REPS1: variants seen among roughly 807,000 people sequenced by gnomAD.
REPS1 encodes the protein RALBP1 associated Eps domain containing 1, also known as ralBP1-associated Eps domain-containing protein 1.
A neutral mutation model predicts 100.9 loss-of-function variants in REPS1; 39 were observed. That is an observed-to-expected ratio of 0.39 (90% CI 0.30 to 0.50). The LOEUF is 0.50. Among genes scored for constraint, REPS1 ranks in the 20% least tolerant of loss-of-function variants. The pLI is 0.86. For missense variants in REPS1, 821 were observed against 968.5 expected, an observed-to-expected ratio of 0.85 and a Z score of 2.02; for synonymous variants, 324 against 340.3, an observed-to-expected ratio of 0.95 and a Z score of 0.53.
chr6:138,976,512 C>T (rs1164823592), intron 1 of REPS1, among the ~76,000 whole-genome samples: 2 of 152,180 alleles, frequency 1.3e-5, no homozygotes, highest in Non-Finnish European at 2.9e-5. Context: ...CAAAATAGTC[C>T]TGTAGACTGA....
chr6:138,916,607 G>C (rs550472402), intron 13 of REPS1, among the ~76,000 whole-genome samples: 6 of 152,084 alleles, frequency 3.9e-5, no homozygotes, highest in Non-Finnish European at 7.4e-5. Flanking sequence ...AGTAATAATA[G>C]TCTGAAAAAA....
At chr6:138,960,880 TTAAG>T (rs1258786330) in intron 1 of REPS1, among the ~76,000 whole-genome samples, 1 of 152,190 alleles carries the variant, frequency 6.6e-6, no homozygotes, top group Non-Finnish European at 1.5e-5. Flanking sequence ...AGAAAAGTCA[TTAAG>T]TATTGGGAAG....
chr6:138,908,751 ATCT>A lies in REPS1; in HGVS notation c.2130_2132del (p.Glu710del). 4.3e-6 allele frequency: 7 copies of A among 1,614,166 alleles called. No individual in the cohort carries two copies. Among genetic ancestry groups the A allele is most frequent in the Non-Finnish European group, 5.1e-6 (6 of 1,180,014 alleles). ...GTTCATCAACTTCTGGCCTTAATTC[ATCT>A]TCTGATTTTAATCTTCTTCGAACAG... is the stretch of plus-strand genomic sequence containing the variant. On this transcript the variant is annotated inframe_deletion, in exon 18 of 20. Coordinates refer to ENST00000450536, the MANE Select transcript of REPS1 (RefSeq NM_001286611.2).
rs775346947 is a variant in REPS1 at position 138,945,572 on chromosome 6, C to T, written c.403G>A (p.Gly135Ser). The T allele has an allele frequency of 1.2e-6, 2 of 1,613,484 alleles. No homozygotes were observed. Among genetic ancestry groups the T allele is most frequent in the South Asian group, 1.1e-5 (1 of 90,932 alleles). Residue 135 changes from glycine (G) to serine (S), a missense_variant, in exon 3 of 20, where the codon GGC becomes AGC. Physicochemically the swap from Gly to Ser is moderately conservative, Grantham distance 56. Coordinates refer to ENST00000450536, the MANE Select transcript of REPS1 (RefSeq NM_001286611.2). Reference protein sequence around the residue: ...SYSGVIPPPPGRGQVKKGSVS... With the variant: ...SYSGVIPPPPSRGQVKKGSVS... ...GATCCCTTTTTCACTTGCCCCCTGCCAGGTGGTGGGGGAATTACACCAGAA... is the reference window on the plus strand; with the variant it reads ...GATCCCTTTTTCACTTGCCCCCTGCTAGGTGGTGGGGGAATTACACCAGAA...
In REPS1 at chr6:138,969,269, A is replaced by ATTTTTTTTTTTTTTTTTTTTTTT. The variant is rs71013004; in HGVS notation, c.153+18238_153+18260dup. Among the ~76,000 whole-genome samples the ATTTTTTTTTTTTTTTTTTTTTTT allele has an allele frequency of 1.0e-3, 74 of 74,246 alleles. 13 individuals are homozygous for ATTTTTTTTTTTTTTTTTTTTTTT. Among genetic ancestry groups the ATTTTTTTTTTTTTTTTTTTTTTT allele is most frequent in the East Asian group, 1.0e-3 (2 of 1,944 alleles). The allele number at this position is 74,246 out of a possible 152,430, so 48.7% of individuals were successfully genotyped here. A position where few individuals can be genotyped will look rare whatever the true frequency, so the allele number is the denominator to read the frequency against. ...ACACAATCTATGATACAAAGCTGTA[A>ATTTTTTTTTTTTTTTTTTTTTTT]TTTTTTTTTTTTTTTTTTTTTTTTT... is the stretch of plus-strand genomic sequence containing the variant. On this transcript the variant is annotated intron_variant, in intron 1 of 19. Coordinates refer to ENST00000450536, the MANE Select transcript of REPS1 (RefSeq NM_001286611.2).
intron 10 of REPS1, among the ~76,000 whole-genome samples, chr6:138,924,640 T>C (rs1393046456): frequency 6.6e-6 from 1 of 152,226 alleles, no homozygotes; most frequent in East Asian, 1.9e-4. Context: ...ATACTTTCAT[T>C]AAGTACTTTC....
intron 1 of REPS1, among the ~76,000 whole-genome samples, chr6:138,974,489 C>T (rs1784495360): frequency 6.6e-6 from 1 of 152,122 alleles, no homozygotes; most frequent in South Asian, 2.1e-4. Context: ...GTTGTTTATA[C>T]AAATAGCTAA....
At chr6:138,961,872 A>G (rs2128492842) in intron 1 of REPS1, among the ~76,000 whole-genome samples, 1 of 152,310 alleles carries the variant, frequency 6.6e-6, no homozygotes, top group South Asian at 2.1e-4. Flanking sequence ...AATTAATATG[A>G]ATTAGCAAAA....
At chr6:138,954,440 GGAA>G (rs1053650288) in intron 1 of REPS1, among the ~76,000 whole-genome samples, 2 of 151,154 alleles carry the variant, frequency 1.3e-5, no homozygotes, top group Admixed American at 6.6e-5. Flanking sequence ...GGGCCACACT[GGAA>G]GAAGAACTGT....
At chr6:138,914,912 G>T (rs1490226725) in intron 14 of REPS1, 151 bp from the exon 15 acceptor site, 4 of 656,730 alleles carry the variant, frequency 6.1e-6, no homozygotes, top group Non-Finnish European at 1.0e-5. Context: ...TACATGGTCT[G>T]TATGTAACCT....
chr6:138,905,878 A>C (rs1025997630), intron 19 of REPS1, among the ~76,000 whole-genome samples: 15 of 152,188 alleles, frequency 9.9e-5, no homozygotes, highest in African/African-American at 3.6e-4. Context: ...TTTTTAATCA[A>C]TGTTGATTTT....
At position 138,954,163 on chromosome 6, in the gene REPS1, T is replaced by C. The variant is rs187337350; in HGVS notation, c.154-6250A>G. On this transcript the variant is annotated intron_variant, in intron 1 of 19. Coordinates refer to ENST00000450536, the MANE Select transcript of REPS1 (RefSeq NM_001286611.2). The stretch of plus-strand genomic sequence containing the variant: ...TAGAAGTAAAAAGGAGAACAGAGTA[T>C]ACCAAGGCTACGAAGGGTAGACAAA... Among the ~76,000 whole-genome samples the C allele has an allele frequency of 1.4e-3, 206 of 151,208 alleles. 2 individuals carry two copies. Among genetic ancestry groups the C allele is most frequent in the African/African-American group, 4.6e-3 (190 of 41,262 alleles).
At chr6:138,912,717 T>A (rs1388940486) in intron 16 of REPS1, 48 bp downstream of exon 16, 2 of 1,551,552 alleles carry the variant, frequency 1.3e-6, no homozygotes, top group Non-Finnish European at 1.8e-6. Context: ...CAACATGGTA[T>A]GGGAAGTGAC....
intron 5 of REPS1, 105 bp from the exon 6 acceptor site, chr6:138,944,120 A>G (rs902067307): frequency 1.5e-5 from 16 of 1,044,462 alleles, no homozygotes; most frequent in Non-Finnish European, 1.6e-5. Flanking sequence ...CTTTTTGTGT[A>G]TATTTAAAAT....
At chr6:138,962,693 A>C (rs950105174) in intron 1 of REPS1, among the ~76,000 whole-genome samples, 5 of 152,090 alleles carry the variant, frequency 3.3e-5, no homozygotes, top group African/African-American at 1.2e-4. Context: ...CCTGTCATTC[A>C]GGTTTCACCT....
Position 138,943,921 on chromosome 6 carries a change from T to A in REPS1, c.848A>T (p.Asp283Val). The change falls in exon 6 of 20, where the codon GAT (aspartate) becomes GTT (valine). Residue 283 changes from aspartate to valine, a missense_variant. Physicochemically the swap from Asp to Val is radical, Grantham distance 152. Around this residue, in one of 3 missense-constraint regions of REPS1, gnomAD observed 757 missense variants for 866.4 expected, o/e 0.87. Coordinates refer to ENST00000450536, the MANE Select transcript of REPS1 (RefSeq NM_001286611.2). ...SSYDDPWKIT[D>V]EQRQYYVNQF... ...ATTTACATAATACTGTCTTTGTTCA[T>A]CTGTTATTTTCCAGGGATCATCATA... 1 of 1,613,730 alleles carries A rather than the reference T, an allele frequency of 6.2e-7. No homozygotes were observed. Among genetic ancestry groups the A allele is most frequent in the Non-Finnish European group, 8.5e-7 (1 of 1,179,710 alleles).
chr6:138,936,765 C>T (rs1188114989), intron 8 of REPS1, among the ~76,000 whole-genome samples: 3 of 151,888 alleles, frequency 2.0e-5, no homozygotes, highest in African/African-American at 2.4e-5. Context: ...GTTATTTGTA[C>T]AAAACAAAGA....
chr6:138,951,757 G>C (rs1262769159), intron 1 of REPS1, among the ~76,000 whole-genome samples: 1 of 152,142 alleles, frequency 6.6e-6, no homozygotes, highest in Non-Finnish European at 1.5e-5. Context: ...TCTGAAATAA[G>C]CTAGGTTTAC....
Position 138,927,534 on chromosome 6 carries a change from A to C in REPS1, c.1258-1053T>G, listed in dbSNP as rs546723690. The C allele has an allele frequency of 2.6e-5, 4 of 152,300 alleles. 1 individual carries two copies. Among genetic ancestry groups the C allele is most frequent in the Middle Eastern group, 3.4e-3 (1 of 294 alleles). 9.4% of individuals were successfully genotyped at this position (152,300 alleles called of 1,614,324 possible). A position where few individuals can be genotyped will look rare whatever the true frequency, so the allele number is the denominator to read the frequency against. ...TACACAAAGACAAAACTACCCCATA[A>C]ACCAAAATCCTCTTTGGGAAAGTAT... On this transcript the variant is annotated intron_variant, in intron 9 of 19. Transcript: ENST00000450536.
Sources: allele counts gnomAD v4.1 joint callset (sites outside exome capture counted in the v4.1 genomes callset), GRCh38; gene constraint gnomAD v4.1.1; regional missense constraint gnomAD v4.1.1; transcripts MANE v1.5; gene names NCBI Gene and HGNC (gene_info 2026-07-23, HGNC 2026-07-21).